DGKB: variants seen among roughly 807,000 people sequenced by gnomAD.
The protein encoded by DGKB is diacylglycerol kinase beta.
Under a neutral mutation model 114.3 loss-of-function variants are expected in DGKB, and 67 were observed. The ratio of observed to expected loss-of-function variants is 0.59; its 90% CI spans 0.48 to 0.72. The LOEUF (loss-of-function observed/expected upper bound fraction) is 0.72. Ranked by LOEUF, DGKB falls within the 30% of genes least tolerant of loss-of-function variation. DGKB has a pLI of 0.00. For missense variants in DGKB, 907 were observed against 975.2 expected, an observed-to-expected ratio of 0.93 and a Z score of 0.93; for synonymous variants, 398 against 323.1, an observed-to-expected ratio of 1.23 and a Z score of -2.49.
At chr7:14,658,353 G>T (rs77062773) in intron 13 of DGKB, among the ~76,000 whole-genome samples, 243 of 152,078 alleles carry the variant, frequency 1.6e-3, no homozygotes, top group African/African-American at 5.3e-3. Flanking sequence ...TTCATATGTG[G>T]GAGTTAAAAA....
chr7:14,571,029 A>G (rs997154337), intron 20 of DGKB, among the ~76,000 whole-genome samples: 3 of 152,164 alleles, frequency 2.0e-5, no homozygotes, highest in African/African-American at 7.2e-5. Context: ...AACTTTACCT[A>G]CTAGTTAGCA....
intron 23 of DGKB, among the ~76,000 whole-genome samples, chr7:14,332,702 T>C (rs1364461326): frequency 6.6e-6 from 1 of 152,182 alleles, no homozygotes; most frequent in Non-Finnish European, 1.5e-5. Context: ...CATTAAACTT[T>C]TAAAACATTC....
intron 21 of DGKB, among the ~76,000 whole-genome samples, chr7:14,396,029 T>A (rs1369200026): frequency 6.6e-6 from 1 of 152,068 alleles, no homozygotes; most frequent in Admixed American, 6.6e-5. Flanking sequence ...AATTGTTTAG[T>A]CTTCTAGACT....
At chr7:14,540,808 A>G (rs1793298364) in intron 20 of DGKB, among the ~76,000 whole-genome samples, 1 of 152,186 alleles carries the variant, frequency 6.6e-6, no homozygotes, top group South Asian at 2.1e-4. Context: ...AAATGATATG[A>G]ATATATTGGC....
At chr7:14,524,681 G>C (rs1170909994) in intron 20 of DGKB, among the ~76,000 whole-genome samples, 1 of 151,188 alleles carries the variant, frequency 6.6e-6, no homozygotes, top group Non-Finnish European at 1.5e-5. Flanking sequence ...TCTTGAGCCT[G>C]GGAGGCAGAA....
chr7:14,568,060 T>C (rs1242031529), intron 20 of DGKB, among the ~76,000 whole-genome samples: 2 of 152,180 alleles, frequency 1.3e-5, no homozygotes, highest in African/African-American at 4.8e-5. Flanking sequence ...TATTTAAAGA[T>C]ATCTGTAGTT....
At chr7:14,755,413 C>T (rs1001236533) in intron 3 of DGKB, among the ~76,000 whole-genome samples, 3 of 152,080 alleles carry the variant, frequency 2.0e-5, no homozygotes, top group East Asian at 1.9e-4. Flanking sequence ...TTTGCAAATA[C>T]ATTTTATGTA....
In DGKB at chr7:14,573,767, A is replaced by AT. The variant is rs1798720457; in HGVS notation, c.1770+444dup. ...TTAATCACTTGAGAATAGTAGCAGG[A>AT]TTTTTTGTAGACTTTTCATAGATTT... is the stretch of plus-strand genomic sequence containing the variant. On this transcript the variant is annotated intron_variant, in intron 20 of 25. Coordinates refer to ENST00000402815, the MANE Select transcript of DGKB (RefSeq NM_001350709.2). 1.5e-5 allele frequency among the ~76,000 whole-genome samples: 2 copies of AT among 132,358 alleles called. 1 individual carries two copies. Among genetic ancestry groups the AT allele is most frequent in the East Asian group, 4.3e-4 (2 of 4,688 alleles). 86.8% of individuals were successfully genotyped at this position (132,358 alleles called of 152,430 possible).
intron 17 of DGKB, among the ~76,000 whole-genome samples, chr7:14,585,911 T>A (rs1443953236): frequency 6.6e-6 from 1 of 152,194 alleles, no homozygotes; most frequent in Non-Finnish European, 1.5e-5. Flanking sequence ...GAATGTTGTG[T>A]GTGTTCTGAC....
intron 14 of DGKB, among the ~76,000 whole-genome samples, chr7:14,629,459 A>T (rs904560696): frequency 6.6e-6 from 1 of 152,040 alleles, no homozygotes; most frequent in Non-Finnish European, 1.5e-5. Context: ...TTTTTTACAA[A>T]CATGTTATCC....
In DGKB at chr7:14,535,326, G is replaced by T. The variant is rs527913906; in HGVS notation, c.1770+38886C>A. On this transcript the variant is annotated intron_variant, in intron 20 of 25. Coordinates refer to ENST00000402815, the MANE Select transcript of DGKB (RefSeq NM_001350709.2). ...CAAGGCAGTAGCAAGCTATGAATGT[G>T]CCATAAAACTCTGGCCTGGGTGACA... 1.0e-4 allele frequency among the ~76,000 whole-genome samples: 15 copies of T among 149,930 alleles called. No individual in the cohort carries two copies. The Admixed American group carries it at 1.0e-3, about 10-fold the overall frequency.
At chr7:14,236,386 A>C (rs1414331931) in intron 23 of DGKB, among the ~76,000 whole-genome samples, 1 of 151,754 alleles carries the variant, frequency 6.6e-6, no homozygotes, top group African/African-American at 2.4e-5. Flanking sequence ...AGGAAAATTA[A>C]TAGCAAAGGT....
chr7:14,581,303 C>T (rs1799900242), intron 18 of DGKB, among the ~76,000 whole-genome samples: 2 of 152,156 alleles, frequency 1.3e-5, no homozygotes, highest in African/African-American at 4.8e-5. Context: ...AATACAGAGA[C>T]ACAACTAGGA....
intron 1 of DGKB, among the ~76,000 whole-genome samples, chr7:14,882,206 A>C (rs78653922): frequency 6.6e-6 from 1 of 152,008 alleles, no homozygotes; most frequent in Admixed American, 6.6e-5. Context: ...CTGAAAGAGA[A>C]ATCGAGGATA....
intron 2 of DGKB, among the ~76,000 whole-genome samples, chr7:14,779,630 CA>C (rs1285124016): frequency 1.3e-5 from 2 of 152,162 alleles, no homozygotes; most frequent in Non-Finnish European, 2.9e-5. Context: ...AAGGCTCCCA[CA>C]AATTCCAGAA....
chr7:14,315,202 G>C (rs1240988740), intron 23 of DGKB, among the ~76,000 whole-genome samples: 2 of 144,722 alleles, frequency 1.4e-5, no homozygotes, highest in Non-Finnish European at 3.1e-5. Flanking sequence ...AGACCGTCGA[G>C]ACTAGGAAGA....
chr7:14,961,870 C>T (rs1372553538), intron 1 of DGKB, among the ~76,000 whole-genome samples: 1 of 152,074 alleles, frequency 6.6e-6, no homozygotes, highest in African/African-American at 2.4e-5. Flanking sequence ...ACTTCAGTCT[C>T]AGCCTCTGCT....
At position 14,712,061 on chromosome 7, in the gene DGKB, C is replaced by T. The variant is rs191258956; in HGVS notation, c.466+6481G>A. Among the ~76,000 whole-genome samples, 881 of 152,050 alleles carry T rather than the reference C, an allele frequency of 5.8e-3. 5 individuals are homozygous for T. Among genetic ancestry groups the T allele is most frequent in the African/African-American group, 0.018 (731 of 41,468 alleles). The stretch of plus-strand genomic sequence containing the variant: ...AACCTTATAACTAAAAGGAAAGTTT[C>T]AATCCATGAAATACAAATAGGAACA... On this transcript the variant is annotated intron_variant, in intron 6 of 25. Coordinates refer to ENST00000402815, the MANE Select transcript of DGKB (RefSeq NM_001350709.2).
At chr7:14,862,578 A>C (rs992939746) in intron 1 of DGKB, among the ~76,000 whole-genome samples, 1 of 152,100 alleles carries the variant, frequency 6.6e-6, no homozygotes, top group Admixed American at 6.6e-5. Context: ...GTTAATAAGC[A>C]ATGAAGCCAG....
Sources: gnomAD v4.1 joint callset for allele counts (sites outside exome capture counted in the v4.1 genomes callset) on GRCh38, gnomAD v4.1.1 for gene constraint, MANE v1.5 for transcripts, NCBI Gene and HGNC (gene_info 2026-07-23, HGNC 2026-07-21) for gene names.